Variants in GPR19 observed in about 807,000 individuals in gnomAD.
GPR19 encodes the protein probable G protein-coupled receptor 19.
A neutral mutation model predicts 28.5 loss-of-function variants in GPR19; 14 were observed. That is an observed-to-expected ratio of 0.49 (90% CI 0.32 to 0.77). The LOEUF (loss-of-function observed/expected upper bound fraction) is 0.77. Among genes scored for constraint, GPR19 ranks in the 30% least tolerant of loss-of-function variants. The pLI, the probability that GPR19 is intolerant of heterozygous loss-of-function variation, is 0.03. For missense variants in GPR19, 409 were observed against 504.1 expected (o/e 0.81, Z 1.81); for synonymous variants, 173 against 184.1 (o/e 0.94, Z 0.49).
At chr12:12,699,007 T>A (rs758667400), upstream of GPR19, among the ~76,000 whole-genome samples, 2 of 152,030 alleles carry the variant, frequency 1.3e-5, no homozygotes, top group Non-Finnish European at 2.9e-5. Context: ...TTTATCACAG[T>A]CAGTATGAGC....
chr12:12,673,247 G>A (rs189905732), intron 3 of GPR19, among the ~76,000 whole-genome samples: 254 of 152,326 alleles, frequency 1.7e-3, no homozygotes, highest in African/African-American at 6.0e-3. Flanking sequence ...GGTGTTGGGA[G>A]GTTCTTGGAA....
chr12:12,711,447 A>T, the GPR19 span, among the ~76,000 whole-genome samples: 3 of 152,076 alleles, frequency 2.0e-5, no homozygotes, highest in Non-Finnish European at 4.4e-5. Flanking sequence ...GGGGAAAGAG[A>T]GTGGCGGATT....
the GPR19 span, chr12:12,716,882 C>G: frequency 3.0e-6 from 3 of 984,634 alleles, no homozygotes; most frequent in Non-Finnish European, 3.6e-6. Flanking sequence ...CGGCCTCCCC[C>G]GCAGACCACG....
intron 3 of GPR19, among the ~76,000 whole-genome samples, chr12:12,671,434 T>C (rs530856199): frequency 6.6e-6 from 1 of 152,280 alleles, no homozygotes; most frequent in South Asian, 2.1e-4. Context: ...TGGAATTTTC[T>C]CTACTGGTCT....
chr12:12,712,503 G>C, the GPR19 span, among the ~76,000 whole-genome samples: 2 of 152,148 alleles, frequency 1.3e-5, no homozygotes, highest in Non-Finnish European at 2.9e-5. Context: ...GCCAACCACT[G>C]TCTGATCCCA....
chr12:12,673,914 G>A (rs554312594), intron 3 of GPR19, among the ~76,000 whole-genome samples: 2 of 152,070 alleles, frequency 1.3e-5, no homozygotes, highest in Non-Finnish European at 2.9e-5. Flanking sequence ...TGCTGTGTAG[G>A]TGGCCAAGCA....
chr12:12,696,413 T>C (rs2136340063), upstream of GPR19, among the ~76,000 whole-genome samples: 1 of 126,526 alleles, frequency 7.9e-6, no homozygotes, highest in East Asian at 2.6e-4. Flanking sequence ...TGCAGTCAAA[T>C]GAAAAAGATC....
At chr12:12,696,339 C>CT (rs578240364), upstream of GPR19, 17 of 88,680 alleles carry the variant, frequency 1.9e-4, 2 homozygotes, top group African/African-American at 4.3e-4. Context: ...CCCACCCGCC[C>CT]TTTTTTTTTT....
the GPR19 span, chr12:12,716,851 GC>G: frequency 1.4e-5 from 14 of 983,532 alleles, no homozygotes; most frequent in South Asian, 4.7e-4. Context: ...GGGGCGCCCA[GC>G]CCCCCCAGCA....
At chr12:12,693,381 A>G (rs1946213917) in intron 2 of GPR19, among the ~76,000 whole-genome samples, 1 of 152,064 alleles carries the variant, frequency 6.6e-6, no homozygotes, top group African/African-American at 2.4e-5. Flanking sequence ...CTCCCCAACC[A>G]ATGAGGTATT....
the GPR19 span, among the ~76,000 whole-genome samples, chr12:12,708,515 C>A: frequency 6.6e-6 from 1 of 152,108 alleles, no homozygotes; most frequent in Admixed American, 6.5e-5. Flanking sequence ...ACCAATGAAG[C>A]CTTAGTGATA....
intron 3 of GPR19, among the ~76,000 whole-genome samples, chr12:12,674,209 CAAAAAAAAAAAA>C (rs35775784): frequency 3.7e-5 from 2 of 54,000 alleles, no homozygotes; most frequent in South Asian, 7.7e-4. Flanking sequence ...GACTTTGTCT[CAAAAAAAAAAAA>C]AAAAAAAAAA....
At chr12:12,713,057 CTTTTT>C in the GPR19 span, among the ~76,000 whole-genome samples, 2 of 108,086 alleles carry the variant, frequency 1.9e-5, no homozygotes, top group African/African-American at 7.1e-5. Flanking sequence ...ATCTGATGCG[CTTTTT>C]TTTTTTTTTT....
the GPR19 span, among the ~76,000 whole-genome samples, chr12:12,715,427 T>C: frequency 1.3e-5 from 2 of 152,220 alleles, no homozygotes; most frequent in African/African-American, 4.8e-5. Flanking sequence ...AAACTAGTTC[T>C]GGGCACTGCC....
At chr12:12,690,725 C>T (rs1042859418) in intron 2 of GPR19, among the ~76,000 whole-genome samples, 1 of 152,186 alleles carries the variant, frequency 6.6e-6, no homozygotes, top group East Asian at 1.9e-4. Context: ...GACCCAGTCT[C>T]TCAATGTTCT....
At chr12:12,682,173 A>T (rs1946032610) in intron 3 of GPR19, among the ~76,000 whole-genome samples, 1 of 152,258 alleles carries the variant, frequency 6.6e-6, no homozygotes, top group Non-Finnish European at 1.5e-5. Flanking sequence ...GGGTGCTTCC[A>T]TTTAGATATG....
At chr12:12,672,967 A>G (rs1465242749) in intron 3 of GPR19, among the ~76,000 whole-genome samples, 1 of 152,240 alleles carries the variant, frequency 6.6e-6, no homozygotes, top group African/African-American at 2.4e-5. Flanking sequence ...AATAATAAAC[A>G]GCTAAACAAA....
At chr12:12,706,806 G>A in the GPR19 span, among the ~76,000 whole-genome samples, 3 of 152,068 alleles carry the variant, frequency 2.0e-5, no homozygotes, top group Non-Finnish European at 2.9e-5. Flanking sequence ...CATGTACACT[G>A]CTACCACCCT....
intron 2 of GPR19, among the ~76,000 whole-genome samples, chr12:12,689,786 T>C (rs1946157186): frequency 6.6e-6 from 1 of 152,242 alleles, no homozygotes; most frequent in African/African-American, 2.4e-5. Context: ...GAAGTGATTC[T>C]GTGACAGTTT....
Sources: gnomAD v4.1 joint callset for allele counts (sites outside exome capture counted in the v4.1 genomes callset) on GRCh38, gnomAD v4.1.1 for gene constraint, MANE v1.5 for transcripts, NCBI Gene and HGNC (gene_info 2026-07-23, HGNC 2026-07-21) for gene names.